CFAP206: variants seen among roughly 807,000 people sequenced by gnomAD.
CFAP206 encodes the protein cilia and flagella associated protein 206, also known as cilia- and flagella-associated protein 206.
CFAP206 carries 53 observed loss-of-function variants against 65.4 expected under a neutral mutation model. That is an observed-to-expected ratio of 0.81 (90% confidence interval 0.65 to 1.02). CFAP206 has a LOEUF of 1.02. CFAP206 is among the 50% of genes least tolerant of loss of function. CFAP206 has a pLI of 0.00. For missense variants in CFAP206, 663 were observed against 753.2 expected (o/e 0.88, Z 1.40); for synonymous variants, 250 against 254.4 (o/e 0.98, Z 0.17).
chr6:87,414,915 CAT>C (rs1456783279), intron 4 of CFAP206, among the ~76,000 whole-genome samples: 5 of 152,196 alleles, frequency 3.3e-5, no homozygotes, highest in East Asian at 1.9e-4. Context: ...GTTATTTAAA[CAT>C]ATTTTTAATT....
intron 11 of CFAP206, among the ~76,000 whole-genome samples, chr6:87,459,669 CGTCTACAGACAGGATATACTGTGCAT>C (rs1254495287): frequency 1.3e-5 from 2 of 152,138 alleles, no homozygotes; most frequent in Non-Finnish European, 2.9e-5. Flanking sequence ...GTCAGTTGAA[CGTCTACAGACAGGATATACTGTGCAT>C]GTCTACAGAC....
intron 11 of CFAP206, among the ~76,000 whole-genome samples, chr6:87,459,710 A>T (rs1768709263): frequency 6.6e-6 from 1 of 151,460 alleles, no homozygotes; most frequent in African/African-American, 2.4e-5. Flanking sequence ...ACAGACAGAA[A>T]TTATTTGGTC....
intron 11 of CFAP206, among the ~76,000 whole-genome samples, chr6:87,447,834 T>C (rs1768469407): frequency 6.6e-6 from 1 of 152,070 alleles, no homozygotes; most frequent in Non-Finnish European, 1.5e-5. Context: ...GGTAGGCTAT[T>C]TATAACTGCC....
intron 9 of CFAP206, among the ~76,000 whole-genome samples, chr6:87,429,642 A>C (rs1229305887): frequency 6.6e-6 from 1 of 152,190 alleles, no homozygotes; most frequent in African/African-American, 2.4e-5. Flanking sequence ...AGACCCTTCT[A>C]TCTTAGCTAA....
At chr6:87,409,988 G>C in intron 2 of CFAP206, 41 bp downstream of exon 2, 1 of 1,388,474 alleles carries the variant, frequency 7.2e-7, no homozygotes, top group South Asian at 1.2e-5. Flanking sequence ...TTATTAAGAG[G>C]TTTTTTAAGA....
chr6:87,454,844 C>CAAAAAA (rs200119526), intron 11 of CFAP206, among the ~76,000 whole-genome samples: 1 of 89,690 alleles, frequency 1.1e-5, no homozygotes, highest in African/African-American at 4.5e-5. Context: ...GACTCTGTCT[C>CAAAAAA]AAAAAAAAAA....
At chr6:87,435,307 A>G in intron 11 of CFAP206, 1 of 303,410 alleles carries the variant, frequency 3.3e-6, no homozygotes, top group Non-Finnish European at 6.2e-6. Context: ...TCATTGACTT[A>G]TAAATAATTG....
rs145724678 is a variant in CFAP206, at chr6:87,428,748, T to G, written c.1083T>G (p.Phe361Leu). 362 of 1,614,176 alleles carry G rather than the reference T, an allele frequency of 2.2e-4. 3 individuals carry two copies. The African/African-American group carries it at 4.3e-3, about 19-fold the overall frequency. The part of the protein sequence containing the change: ...QPFLGAHELY[F>L]PERVMQCHLN... ...TCTTGGGTGCTCACGAACTATACTT[T>G]CCTGAGAGAGTGATGCAATGTCATC... Residue 361 changes from phenylalanine (F) to leucine (L), a missense_variant, in exon 9 of 13, where the codon TTT (phenylalanine) becomes TTG (leucine). By Grantham distance (22) the Phe-to-Leu change is conservative. Transcript: ENST00000369562.
At chr6:87,427,440 A>G (rs532793291) in intron 8 of CFAP206, among the ~76,000 whole-genome samples, 31 of 152,244 alleles carry the variant, frequency 2.0e-4, no homozygotes, top group Non-Finnish European at 3.7e-4. Flanking sequence ...CGCCCAGCCT[A>G]TATGTAGTAT....
chr6:87,410,123 T>C (rs1195510444), intron 2 of CFAP206, among the ~76,000 whole-genome samples, 176 bp downstream of exon 2: 2 of 152,226 alleles, frequency 1.3e-5, no homozygotes, highest in Non-Finnish European at 2.9e-5. Flanking sequence ...GCATGTGAGT[T>C]CTAGATTTAT....
chr6:87,419,648 G>T (rs747343908), intron 7 of CFAP206, among the ~76,000 whole-genome samples: 1 of 152,142 alleles, frequency 6.6e-6, no homozygotes, highest in Non-Finnish European at 1.5e-5. Flanking sequence ...TTTCTTGAGG[G>T]ATAGAATAGG....
chr6:87,457,057 G>A (rs1009977238), intron 11 of CFAP206, among the ~76,000 whole-genome samples: 2 of 151,162 alleles, frequency 1.3e-5, no homozygotes, highest in Non-Finnish European at 2.9e-5. Flanking sequence ...GGCTGAGGCA[G>A]GAGAATGGCA....
At chr6:87,418,072 C>T in intron 6 of CFAP206, 136 bp from the exon 7 acceptor site, 1 of 765,144 alleles carries the variant, frequency 1.3e-6, no homozygotes, top group Non-Finnish European at 2.1e-6. Context: ...CCAGGAAACA[C>T]ATGCCTCATT....
At chr6:87,460,115 T>C (rs1768718906) in intron 11 of CFAP206, among the ~76,000 whole-genome samples, 1 of 152,216 alleles carries the variant, frequency 6.6e-6, no homozygotes, top group African/African-American at 2.4e-5. Context: ...GATTATCTGT[T>C]GTTTGGAAAG....
intron 11 of CFAP206, among the ~76,000 whole-genome samples, chr6:87,438,843 AC>A (rs2127953706): frequency 6.6e-6 from 1 of 152,306 alleles, no homozygotes; most frequent in Non-Finnish European, 1.5e-5. Context: ...TTTTCCTAAC[AC>A]GATTTACTAA....
At chr6:87,442,949 G>A (rs9294380) in intron 11 of CFAP206, among the ~76,000 whole-genome samples, 87,846 of 151,604 alleles carry the variant, frequency 0.58, 25,608 homozygotes, top group Admixed American at 0.67. Flanking sequence ...CCTTTCTTTT[G>A]CTGTCCGTTG....
chr6:87,412,134 A>G (rs1004781385), intron 3 of CFAP206, among the ~76,000 whole-genome samples: 5 of 152,268 alleles, frequency 3.3e-5, no homozygotes. Flanking sequence ...ATATACTTTT[A>G]GTACGACAGG....
intron 11 of CFAP206, among the ~76,000 whole-genome samples, chr6:87,440,954 A>T (rs1485108273): frequency 6.6e-6 from 1 of 152,216 alleles, no homozygotes; most frequent in Admixed American, 6.5e-5. Context: ...GGTACAGAAT[A>T]CTTAAACAAG....
intron 11 of CFAP206, among the ~76,000 whole-genome samples, chr6:87,459,579 A>G (rs548788883): frequency 6.6e-6 from 1 of 152,344 alleles, no homozygotes; most frequent in African/African-American, 2.4e-5. Context: ...CCCTAAGAAC[A>G]GACACATTTA....
Sources: allele counts gnomAD v4.1 joint callset (sites outside exome capture counted in the v4.1 genomes callset), GRCh38; gene constraint gnomAD v4.1.1; transcripts MANE v1.5; gene names NCBI Gene and HGNC (gene_info 2026-07-23, HGNC 2026-07-21).